Variants in ADAM9 observed in about 807,000 individuals in gnomAD.
ADAM9 encodes the protein disintegrin and metalloproteinase domain-containing protein 9.
A neutral mutation model predicts 108.1 loss-of-function variants in ADAM9; 54 were observed. The ratio of observed to expected loss-of-function variants is 0.50; its 90% CI spans 0.40 to 0.63. ADAM9 has a LOEUF of 0.63. ADAM9 is among the 20% of genes least tolerant of loss of function. The probability of loss-of-function intolerance (pLI) is 0.00; values close to 1 mark genes in which losing one functional copy is unlikely to be tolerated. For synonymous variants in ADAM9, 316 were observed against 336.0 expected (o/e 0.94, Z 0.65); for missense variants, 830 against 997.7 (o/e 0.83, Z 2.26).
chr8:39,089,164 G>A (rs1406565342), intron 18 of ADAM9, among the ~76,000 whole-genome samples: 1 of 152,092 alleles, frequency 6.6e-6, no homozygotes, highest in Non-Finnish European at 1.5e-5. Context: ...CAGCAGAATC[G>A]CTTGAACCCA....
chr8:39,081,164 G>A (rs1030901562), intron 16 of ADAM9, among the ~76,000 whole-genome samples: 1 of 151,962 alleles, frequency 6.6e-6, no homozygotes, highest in Non-Finnish European at 1.5e-5. Flanking sequence ...GGCCAGGCTG[G>A]TCTTGAACTC....
intron 16 of ADAM9, among the ~76,000 whole-genome samples, chr8:39,078,820 A>G (rs1838931534): frequency 6.6e-6 from 1 of 152,168 alleles, no homozygotes; most frequent in African/African-American, 2.4e-5. Flanking sequence ...ATAGTATGCT[A>G]TTTCTAGATT....
At chr8:39,083,707 G>A (rs1839093530) in intron 18 of ADAM9, among the ~76,000 whole-genome samples, 1 of 152,072 alleles carries the variant, frequency 6.6e-6, no homozygotes, top group African/African-American at 2.4e-5. Flanking sequence ...TTCTAGTACT[G>A]TTAGCACTAT....
At chr8:39,054,151 A>G (rs1009184802) in intron 12 of ADAM9, among the ~76,000 whole-genome samples, 2 of 152,178 alleles carry the variant, frequency 1.3e-5, no homozygotes, top group African/African-American at 2.4e-5. Context: ...AAACTGAACT[A>G]GTAGGAACCT....
rs138938731 is a variant in ADAM9, at chr8:39,090,069, C to T, written c.2091C>T (p.Asp697=). 5.7e-4 allele frequency: 916 copies of T among 1,613,814 alleles called. 2 individuals carry two copies. Among genetic ancestry groups the T allele is most frequent in the Non-Finnish European group, 7.3e-4 (866 of 1,179,886 alleles). The change falls in exon 19 of 22, where the codon GAC becomes GAT. Residue 697 remains aspartate (D), a synonymous_variant. Transcript: ENST00000487273. ...TAGAAATGAATACTGCATTGAGGGA[C>T]GGACTTCTGGTCTTCTTCTTCCTAA... ...TYNEMNTALR[D]GLLVFFFLIV... is the part of the protein sequence containing the mutation.
At position 39,029,228 on chromosome 8, in the gene ADAM9, GTCTC is replaced by G. The variant is rs538257809; in HGVS notation, c.1130+2420_1130+2423del. Among the ~76,000 whole-genome samples the G allele has an allele frequency of 6.6e-5, 10 of 150,922 alleles. No homozygotes were observed. The South Asian group carries it at 2.1e-3, about 32-fold the overall frequency. On this transcript the variant is annotated intron_variant, in intron 11 of 21. Transcript: ENST00000487273. Reference sequence around the variant, plus strand: ...ACTGTTCATTACTGGATCTTGGAGAGTCTCTGTAGCCACAGGGGAGACTGACCCC... The same window carrying G: ...ACTGTTCATTACTGGATCTTGGAGAGTGTAGCCACAGGGGAGACTGACCCC...
chr8:39,025,509 G>C (rs945426689), intron 9 of ADAM9, among the ~76,000 whole-genome samples: 7 of 152,114 alleles, frequency 4.6e-5, no homozygotes, highest in African/African-American at 1.4e-4. Flanking sequence ...TTAATATATA[G>C]TTAAATATAA....
chr8:39,000,883 A>G (rs1490206644), intron 1 of ADAM9, among the ~76,000 whole-genome samples: 1 of 152,218 alleles, frequency 6.6e-6, no homozygotes, highest in Non-Finnish European at 1.5e-5. Context: ...GTATTGTGTT[A>G]CTAAACCTTA....
intron 6 of ADAM9, chr8:39,018,573 A>G: frequency 2.5e-6 from 1 of 403,276 alleles, no homozygotes; most frequent in Non-Finnish European, 4.5e-6. Flanking sequence ...CATTTTTCTC[A>G]TATTAGTGCA....
intron 14 of ADAM9, among the ~76,000 whole-genome samples, chr8:39,060,867 AG>A (rs1423941464): frequency 6.6e-6 from 1 of 152,240 alleles, no homozygotes; most frequent in African/African-American, 2.4e-5. Flanking sequence ...AGCTGAAAGC[AG>A]CTGCTTCTGG....
At chr8:39,073,082 C>T (rs1449525696) in intron 15 of ADAM9, among the ~76,000 whole-genome samples, 2 of 152,124 alleles carry the variant, frequency 1.3e-5, no homozygotes, top group Non-Finnish European at 2.9e-5. Flanking sequence ...CCTCTTAATA[C>T]CAGACCAATA....
chr8:38,999,821 A>C (rs928397236), intron 1 of ADAM9, among the ~76,000 whole-genome samples: 1 of 152,256 alleles, frequency 6.6e-6, no homozygotes, highest in Non-Finnish European at 1.5e-5. Flanking sequence ...GGAATCCCCC[A>C]AAAGATGCAA....
intron 7 of ADAM9, among the ~76,000 whole-genome samples, chr8:39,019,616 A>G (rs534013871): frequency 7.2e-5 from 11 of 152,184 alleles, no homozygotes; most frequent in East Asian, 1.9e-4. Flanking sequence ...GTGTAATTTA[A>G]AAAAGAGAGT....
intron 12 of ADAM9, among the ~76,000 whole-genome samples, chr8:39,050,573 T>C (rs970050191): frequency 1.2e-4 from 18 of 152,214 alleles, no homozygotes; most frequent in Non-Finnish European, 2.4e-4. Context: ...ATTAAGTTGG[T>C]GTATTCTTCA....
intron 12 of ADAM9, among the ~76,000 whole-genome samples, chr8:39,051,552 T>C (rs1485957444): frequency 6.6e-6 from 1 of 152,234 alleles, no homozygotes; most frequent in African/African-American, 2.4e-5. Flanking sequence ...TTTGTGTATA[T>C]ACACATGGGG....
chr8:39,022,466 G>A (rs147302834), intron 8 of ADAM9, among the ~76,000 whole-genome samples: 63 of 152,196 alleles, frequency 4.1e-4, no homozygotes, highest in African/African-American at 1.5e-3. Flanking sequence ...GGATCTTGGG[G>A]TAGCACCTCA....
chr8:39,068,663 G>T, intron 14 of ADAM9, among the ~76,000 whole-genome samples: 1 of 88,916 alleles, frequency 1.1e-5, no homozygotes. Flanking sequence ...TGACAAGAGT[G>T]AAACTTCTCC....
chr8:39,045,410 G>GTGTACACACACCTATA (rs1564301556), intron 12 of ADAM9, among the ~76,000 whole-genome samples: 2 of 21,852 alleles, frequency 9.2e-5, no homozygotes, highest in African/African-American at 4.1e-4. Context: ...ACCTATATGT[G>GTGTACACACACCTATA]CGCGTGTGTA....
rs1564301855 is a variant in ADAM9 at position 39,045,438 on chromosome 8, G to GTGTGTGTA, written c.1302+3321_1302+3322insTGTGTGTA. Among the ~76,000 whole-genome samples, 82 of 131,170 alleles carry GTGTGTGTA rather than the reference G, an allele frequency of 6.3e-4. 6 individuals carry two copies. The highest frequency in any genetic ancestry group is 1.8e-3 in the African/African-American group (58 of 32,648). 86.1% of individuals were successfully genotyped at this position (131,170 alleles called of 152,430 possible). A position where few individuals can be genotyped will look rare whatever the true frequency, so the allele number is the denominator to read the frequency against. The stretch of plus-strand genomic sequence containing the variant: ...CGTGTGTACACACACCTATATGTGC[G>GTGTGTGTA]CGTGTGTACACACACCTATATGTGC... On this transcript the variant is annotated intron_variant, in intron 12 of 21. Coordinates refer to ENST00000487273, the MANE Select transcript of ADAM9 (RefSeq NM_003816.3).
Sources: gnomAD v4.1 joint callset for allele counts (sites outside exome capture counted in the v4.1 genomes callset) on GRCh38, gnomAD v4.1.1 for gene constraint, MANE v1.5 for transcripts, NCBI Gene and HGNC (gene_info 2026-07-23, HGNC 2026-07-21) for gene names.